The following SLIT3 variants were observed in gnomAD, a reference collection of about 807,000 sequenced individuals.
SLIT3 encodes slit homolog 3 protein.
In SLIT3, 68 loss-of-function variants were observed where a neutral mutation model predicts 184.0. The observed-to-expected ratio is 0.37, with a 90% CI of 0.30 to 0.45. The LOEUF (loss-of-function observed/expected upper bound fraction) is 0.45. Among genes scored for constraint, SLIT3 ranks in the 20% least tolerant of loss-of-function variants. SLIT3 has a pLI of 1.00. For missense variants in SLIT3, 1,707 were observed against 2,026.0 expected (o/e 0.84, Z 3.02); for synonymous variants, 831 against 828.6 (o/e 1.00, Z -0.05).
intron 4 of SLIT3, among the ~76,000 whole-genome samples, chr5:169,047,863 T>C (rs1477623496): frequency 3.3e-5 from 5 of 152,102 alleles, no homozygotes; most frequent in Admixed American, 1.3e-4. Flanking sequence ...TGCATCGTCA[T>C]ATCCTCTTCT....
chr5:168,988,859 C>T (rs988570413), intron 4 of SLIT3, among the ~76,000 whole-genome samples: 3 of 152,176 alleles, frequency 2.0e-5, no homozygotes, highest in African/African-American at 7.2e-5. Flanking sequence ...CAGCATCTCT[C>T]TCCTGGGATC....
chr5:168,755,393 C>CTT (rs1313458489), intron 16 of SLIT3, among the ~76,000 whole-genome samples: 1 of 9,534 alleles, frequency 1.0e-4, no homozygotes, highest in Admixed American at 8.1e-4. Context: ...GCCGCCATTT[C>CTT]TTTCTTTCTT....
At chr5:169,081,553 T>C (rs1279395458) in intron 4 of SLIT3, among the ~76,000 whole-genome samples, 2 of 152,090 alleles carry the variant, frequency 1.3e-5, no homozygotes, top group African/African-American at 2.4e-5. Context: ...CCGGATGTTT[T>C]AGAGTCTTCT....
intron 20 of SLIT3, among the ~76,000 whole-genome samples, chr5:168,737,266 C>T (rs1186930472): frequency 6.6e-6 from 1 of 152,120 alleles, no homozygotes; most frequent in Admixed American, 6.5e-5. Flanking sequence ...GCTTTCTGGA[C>T]CCCAGACCTC....
At chr5:168,784,894 C>A (rs1756098201) in intron 12 of SLIT3, among the ~76,000 whole-genome samples, 1 of 152,088 alleles carries the variant, frequency 6.6e-6, no homozygotes, top group Admixed American at 6.5e-5. Flanking sequence ...CACACGCACA[C>A]ACACACCTGC....
In SLIT3 at chr5:168,673,288, C is replaced by A; in HGVS notation, c.3730G>T (p.Val1244Leu). ...NDGQFHSVELVTLNQTLNLVV... is the reference protein window; with the variant it reads ...NDGQFHSVELLTLNQTLNLVV... The stretch of plus-strand genomic sequence containing the variant: ...AGGTTCAGGGTCTGGTTTAGCGTCA[C>A]CAGCTCCACACTGTGAAACTGCCCA... The change falls in exon 33 of 36, where the codon GTG becomes TTG. Residue 1244 changes from valine to leucine, a missense_variant. By Grantham distance (32) the Val-to-Leu change is conservative. Coordinates refer to ENST00000519560, the MANE Select transcript of SLIT3 (RefSeq NM_003062.4). 6.2e-7 allele frequency: 1 copy of A among 1,614,154 alleles called. No individual in the cohort carries two copies. Among genetic ancestry groups the A allele is most frequent in the Non-Finnish European group, 8.5e-7 (1 of 1,180,024 alleles).
chr5:169,230,203 G>C (rs17071002), intron 3 of SLIT3, among the ~76,000 whole-genome samples: 12,305 of 152,142 alleles, frequency 0.081, 620 homozygotes, highest in South Asian at 0.12. Flanking sequence ...ACTGAACAAT[G>C]ATTAACCCCA....
At chr5:168,903,649 G>A (rs1187044514) in intron 4 of SLIT3, among the ~76,000 whole-genome samples, 3 of 152,088 alleles carry the variant, frequency 2.0e-5, no homozygotes, top group Non-Finnish European at 4.4e-5. Context: ...TGCATGCATG[G>A]CTGGAACACA....
chr5:169,053,709 A>C, intron 4 of SLIT3, among the ~76,000 whole-genome samples: 1 of 149,046 alleles, frequency 6.7e-6, no homozygotes, highest in African/African-American at 2.5e-5. Flanking sequence ...CCTTCTTTTC[A>C]TTCACTCCCT....
At chr5:168,761,438 G>C (rs1470896528) in intron 15 of SLIT3, among the ~76,000 whole-genome samples, 1 of 152,004 alleles carries the variant, frequency 6.6e-6, no homozygotes, top group Non-Finnish European at 1.5e-5. Context: ...AATTAGAGAG[G>C]ACAACAATAA....
chr5:169,130,953 G>C (rs76561131), intron 4 of SLIT3, among the ~76,000 whole-genome samples: 1 of 152,042 alleles, frequency 6.6e-6, no homozygotes, highest in Non-Finnish European at 1.5e-5. Context: ...ATATAGATAC[G>C]TATTTAAGTG....
chr5:169,157,199 G>A (rs886609736), intron 4 of SLIT3, among the ~76,000 whole-genome samples: 4 of 152,170 alleles, frequency 2.6e-5, no homozygotes, highest in African/African-American at 9.7e-5. Context: ...AGACTGTAAG[G>A]AGTGGCTGGT....
chr5:169,090,788 G>A (rs1032108783), intron 4 of SLIT3, among the ~76,000 whole-genome samples: 2 of 152,242 alleles, frequency 1.3e-5, no homozygotes, highest in Non-Finnish European at 2.9e-5. Context: ...GCAGCTGCTA[G>A]AAGCTGGAGG....
intron 14 of SLIT3, among the ~76,000 whole-genome samples, chr5:168,770,171 AC>A (rs1245095567): frequency 6.6e-6 from 1 of 152,140 alleles, no homozygotes; most frequent in Non-Finnish European, 1.5e-5. Flanking sequence ...TGGTCAGATT[AC>A]CCCAGCCGGC....
At chr5:168,746,687 G>GGTGGTGTGGGTGTGGTGGTGT (rs1561907571) in intron 20 of SLIT3, among the ~76,000 whole-genome samples, 2 of 66,004 alleles carry the variant, frequency 3.0e-5, no homozygotes, top group Admixed American at 1.6e-4. Context: ...GGTGGTGTGT[G>GGTGGTGTGGGTGTGGTGGTGT]GTGGTGTGGG....
chr5:169,036,507 C>T (rs555123816), intron 4 of SLIT3: 1 of 152,244 alleles, frequency 6.6e-6, no homozygotes, highest in Non-Finnish European at 1.5e-5. Flanking sequence ...AGTGGAAAAC[C>T]TACCTCCCCT....
chr5:169,058,534 A>G (rs930766187), intron 4 of SLIT3, among the ~76,000 whole-genome samples: 1 of 152,240 alleles, frequency 6.6e-6, no homozygotes, highest in South Asian at 2.1e-4. Flanking sequence ...GAAAAAATTC[A>G]GAGAAAGCTT....
chr5:169,030,723 C>T (rs1756997625), intron 4 of SLIT3, among the ~76,000 whole-genome samples: 1 of 152,150 alleles, frequency 6.6e-6, no homozygotes, highest in Admixed American at 6.5e-5. Flanking sequence ...ATATTTTCAT[C>T]TTTGTCTTAT....
intron 4 of SLIT3, among the ~76,000 whole-genome samples, chr5:169,127,559 AG>A (rs2113304406): frequency 6.6e-6 from 1 of 152,354 alleles, no homozygotes; most frequent in African/African-American, 2.4e-5. Context: ...TGGTAAAAAT[AG>A]ATGCTTTCAA....
Sources: allele counts gnomAD v4.1 joint callset (sites outside exome capture counted in the v4.1 genomes callset), GRCh38; gene constraint gnomAD v4.1.1; transcripts MANE v1.5; gene names NCBI Gene and HGNC (gene_info 2026-07-23, HGNC 2026-07-21).